MME: variants seen among roughly 807,000 people sequenced by gnomAD.
The protein encoded by MME is neprilysin.
MME carries 98 observed loss-of-function variants against 113.2 expected under a neutral mutation model. That is an observed-to-expected ratio of 0.87 (90% CI 0.74 to 1.02). The LOEUF (loss-of-function observed/expected upper bound fraction) is 1.02. MME is among the 50% of genes least tolerant of loss of function. MME has a pLI of 0.00. For missense variants in MME, 836 were observed against 896.0 expected (o/e 0.93, Z 0.86); for synonymous variants, 292 against 300.6 (o/e 0.97, Z 0.30).
chr3:155,037,816 T>A (rs1357453620), intron 1 of MME, among the ~76,000 whole-genome samples: 1 of 152,168 alleles, frequency 6.6e-6, no homozygotes, highest in Non-Finnish European at 1.5e-5. Context: ...ATGTTCTTGA[T>A]AGGACCAGTT....
chr3:155,108,465 G>A (rs566701056), intron 3 of MME, among the ~76,000 whole-genome samples: 49 of 151,930 alleles, frequency 3.2e-4, no homozygotes, highest in South Asian at 1.9e-3. Context: ...GCATGGTGGC[G>A]GGTGCCTGTA....
intron 1 of MME, among the ~76,000 whole-genome samples, chr3:155,059,258 C>CAAAAAAAAAAAAAAAAAAAAAAAATA: frequency 1.8e-5 from 1 of 56,084 alleles, no homozygotes; most frequent in Non-Finnish European, 3.4e-5. Context: ...AATTCTGTCT[C>CAAAAAAAAAAAAAAAAAAAAAAAATA]AAAAAAAAAA....
At chr3:155,156,728 G>C in intron 16 of MME, among the ~76,000 whole-genome samples, 1 of 152,102 alleles carries the variant, frequency 6.6e-6, no homozygotes, top group Non-Finnish European at 1.5e-5. Context: ...TTTCCACCCA[G>C]GCGACTGGAG....
At position 155,116,870 on chromosome 3, in the gene MME, G is replaced by C; in HGVS notation, c.538G>C (p.Ala180Pro). Residue 180 changes from alanine (A) to proline (P), a missense_variant and splice_region_variant, in exon 7 of 23, where the codon GCT becomes CCT. Physicochemically the swap from Ala to Pro is conservative, Grantham distance 27. Transcript: ENST00000360490. ...ATENWEQKYG[A>P]SWTAEKAIAQ... ...TATTTTATCTTTTATTGCTTTAGGT[G>C]CTTCTTGGACAGCTGAAAAAGCTAT... 6.3e-7 allele frequency: 1 copy of C among 1,598,760 alleles called. No homozygotes were observed.
chr3:155,133,663 C>CATATAT (rs61223926), intron 8 of MME, among the ~76,000 whole-genome samples: 9 of 136,834 alleles, frequency 6.6e-5, no homozygotes, highest in African/African-American at 2.5e-4. Flanking sequence ...ATACACACAC[C>CATATAT]ATATATATAT....
intron 20 of MME, 106 bp from the exon 21 acceptor site, chr3:155,172,011 A>G (rs540468131): frequency 2.8e-6 from 2 of 707,284 alleles, no homozygotes; most frequent in South Asian, 3.3e-5. Flanking sequence ...TATCAGGGTG[A>G]TTTTAACATA....
intron 22 of MME, among the ~76,000 whole-genome samples, chr3:155,174,374 G>T (rs1712306065): frequency 6.9e-6 from 1 of 145,262 alleles, no homozygotes; most frequent in African/African-American, 2.6e-5. Context: ...GTGTGTGTGT[G>T]TGTGTGAAGG....
At position 155,087,658 on chromosome 3, in the gene MME, C is replaced by G. The variant is rs7639923; in HGVS notation, c.196+2564C>G. Among the ~76,000 whole-genome samples, 1,320 of 152,288 alleles carry G rather than the reference C, an allele frequency of 8.7e-3. 23 individuals are homozygous for G. The highest frequency in any genetic ancestry group is 0.03 in the African/African-American group (1,246 of 41,558). ...TCTGTCTTTAATACACTTGACATGTCTCTTTGGTATCTTAATCTATAGATT... is the reference window on the plus strand; with the variant it reads ...TCTGTCTTTAATACACTTGACATGTGTCTTTGGTATCTTAATCTATAGATT... On this transcript the variant is annotated intron_variant, in intron 3 of 22. Transcript: ENST00000360490.
At chr3:155,061,544 A>C (rs974499918) in intron 1 of MME, among the ~76,000 whole-genome samples, 6 of 152,126 alleles carry the variant, frequency 3.9e-5, no homozygotes, top group Non-Finnish European at 8.8e-5. Flanking sequence ...ACTTTTAACA[A>C]CCACATTACA....
chr3:155,131,653 C>A (rs1375858298), intron 8 of MME, among the ~76,000 whole-genome samples: 1 of 152,126 alleles, frequency 6.6e-6, no homozygotes, highest in Non-Finnish European at 1.5e-5. Flanking sequence ...TTATTGATAA[C>A]CTGATGAAAG....
chr3:155,089,919 G>C (rs1371256678), intron 3 of MME: 1 of 439,628 alleles, frequency 2.3e-6, no homozygotes, highest in Non-Finnish European at 4.6e-6. Context: ...AAGATTGCAC[G>C]ACTGCACTCC....
intron 1 of MME, among the ~76,000 whole-genome samples, chr3:155,063,027 C>T (rs1200650861): frequency 2.0e-4 from 22 of 108,166 alleles, no homozygotes; most frequent in South Asian, 8.6e-4. Context: ...ACTGAGACTC[C>T]ATCTCAAAAA....
chr3:155,131,659 GAAAGCCCC>G (rs572185325), intron 8 of MME, among the ~76,000 whole-genome samples: 1 of 152,144 alleles, frequency 6.6e-6, no homozygotes, highest in Non-Finnish European at 1.5e-5. Flanking sequence ...ATAACCTGAT[GAAAGCCCC>G]AAACAGTCCC....
intron 1 of MME, among the ~76,000 whole-genome samples, chr3:155,040,893 C>A (rs186268610): frequency 7.9e-5 from 12 of 152,194 alleles, no homozygotes; most frequent in African/African-American, 2.9e-4. Context: ...CAAGGCAAGG[C>A]TGATGGTAGT....
intron 16 of MME, among the ~76,000 whole-genome samples, chr3:155,156,168 A>G (rs1240344754): frequency 1.3e-5 from 2 of 152,162 alleles, no homozygotes; most frequent in East Asian, 3.9e-4. Flanking sequence ...TGTGCTGTGG[A>G]GTCAGGGGGT....
chr3:155,177,491 A>G (rs1006494075), intron 22 of MME, among the ~76,000 whole-genome samples: 9 of 152,212 alleles, frequency 5.9e-5, no homozygotes, highest in African/African-American at 1.9e-4. Flanking sequence ...TAATTCCTAC[A>G]TAAACAGTCA....
chr3:155,079,223 G>A (rs183316815), upstream of MME, among the ~76,000 whole-genome samples: 351 of 152,098 alleles, frequency 2.3e-3, 2 homozygotes, highest in Middle Eastern at 0.01. Context: ...GAAGGAGGGA[G>A]GGAGAGAGGA....
intron 8 of MME, among the ~76,000 whole-genome samples, chr3:155,127,002 C>T (rs975163913): frequency 7.3e-6 from 1 of 137,444 alleles, no homozygotes; most frequent in Admixed American, 7.3e-5. Context: ...AGCGAAACTC[C>T]ATCTCAAAAA....
intron 8 of MME, among the ~76,000 whole-genome samples, chr3:155,128,557 G>A (rs1719877879): frequency 6.6e-6 from 1 of 152,046 alleles, no homozygotes; most frequent in Non-Finnish European, 1.5e-5. Context: ...CTCCCTTATA[G>A]GCTTTTATAT....
Sources: gnomAD v4.1 joint callset for allele counts (sites outside exome capture counted in the v4.1 genomes callset) on GRCh38, gnomAD v4.1.1 for gene constraint, MANE v1.5 for transcripts, NCBI Gene and HGNC (gene_info 2026-07-23, HGNC 2026-07-21) for gene names.